KIAA1549: variants seen among roughly 807,000 people sequenced by gnomAD.
KIAA1549 encodes UPF0606 protein KIAA1549.
Under a neutral mutation model 156.4 loss-of-function variants are expected in KIAA1549, and 70 were observed. That is an observed-to-expected ratio of 0.45 (90% confidence interval 0.37 to 0.55). The LOEUF is 0.55. KIAA1549 is among the 20% of genes least tolerant of loss of function. The pLI is 0.00. For missense variants in KIAA1549, 2,428 were observed against 2,540.9 expected, an observed-to-expected ratio of 0.96 and a Z score of 0.96; for synonymous variants, 1,103 against 1,066.4, an observed-to-expected ratio of 1.03 and a Z score of -0.67.
chr7:138,951,755 T>G (rs977520825), intron 1 of KIAA1549, among the ~76,000 whole-genome samples: 2 of 152,160 alleles, frequency 1.3e-5, no homozygotes, highest in Non-Finnish European at 2.9e-5. Context: ...CCAACAGAAA[T>G]TCTATACATC....
intron 7 of KIAA1549, among the ~76,000 whole-genome samples, chr7:138,903,968 C>T (rs572118523): frequency 6.6e-6 from 1 of 152,230 alleles, no homozygotes; most frequent in South Asian, 2.1e-4. Context: ...TGGGGAGAGT[C>T]CAGGAAATGC....
chr7:138,938,819 G>A (rs765120189), intron 1 of KIAA1549, among the ~76,000 whole-genome samples: 2 of 152,062 alleles, frequency 1.3e-5, no homozygotes, highest in Admixed American at 6.6e-5. Flanking sequence ...AGGCTGAGGC[G>A]GGTGCATTAC....
intron 2 of KIAA1549, among the ~76,000 whole-genome samples, chr7:138,914,700 T>C (rs1812266899): frequency 6.6e-6 from 1 of 152,186 alleles, no homozygotes; most frequent in African/African-American, 2.4e-5. Context: ...TTATCTCCGC[T>C]AAAAGACACA....
intron 10 of KIAA1549, among the ~76,000 whole-genome samples, chr7:138,884,420 T>C (rs1486936206): frequency 6.6e-6 from 1 of 151,622 alleles, no homozygotes; most frequent in Non-Finnish European, 1.5e-5. Context: ...GGAAGGGAGG[T>C]GGGACACGCA....
chr7:138,943,205 G>A lies in KIAA1549; in HGVS notation c.188-23767C>T, dbSNP rs73168963. Among the ~76,000 whole-genome samples, 1,244 of 152,284 alleles carry A rather than the reference G, an allele frequency of 8.2e-3. 15 individuals carry two copies. The highest frequency in any genetic ancestry group is 0.012 in the Non-Finnish European group (834 of 68,028). ...GAGTGTTTGCTTTGTGCCCAGATGCGTCACGAGTCCCCCTCGAGTCCCACA... is the reference window on the plus strand; with the variant it reads ...GAGTGTTTGCTTTGTGCCCAGATGCATCACGAGTCCCCCTCGAGTCCCACA... On this transcript the variant is annotated intron_variant, in intron 1 of 19. Transcript: ENST00000422774.
At chr7:138,852,754 T>C (rs1416267587) in intron 16 of KIAA1549, among the ~76,000 whole-genome samples, 3 of 152,246 alleles carry the variant, frequency 2.0e-5, no homozygotes, top group Non-Finnish European at 4.4e-5. Flanking sequence ...AAGTATCAAA[T>C]GCTGTCTCAT....
At chr7:138,980,311 A>C (rs569380464) in intron 1 of KIAA1549, among the ~76,000 whole-genome samples, 65 of 152,376 alleles carry the variant, frequency 4.3e-4, no homozygotes, top group Non-Finnish European at 7.6e-4. Context: ...ATTTTGGAGA[A>C]GCAATAGGAA....
intron 1 of KIAA1549, among the ~76,000 whole-genome samples, chr7:138,939,191 T>C (rs1014193910): frequency 4.6e-5 from 7 of 152,176 alleles, no homozygotes; most frequent in Admixed American, 4.6e-4. Flanking sequence ...GATAAGGACT[T>C]TAAAAAATTA....
intron 1 of KIAA1549, among the ~76,000 whole-genome samples, chr7:138,919,811 T>G (rs1305637273): frequency 2.0e-5 from 3 of 152,094 alleles, no homozygotes; most frequent in African/African-American, 7.2e-5. Context: ...AATAAATCAA[T>G]TATAAGACCA....
intron 1 of KIAA1549, among the ~76,000 whole-genome samples, chr7:138,969,312 G>A (rs1368933268): frequency 6.6e-6 from 1 of 152,122 alleles, no homozygotes; most frequent in Non-Finnish European, 1.5e-5. Context: ...CCAGGCCCTT[G>A]CCATCCTTCT....
chr7:138,938,508 C>CT lies in KIAA1549; in HGVS notation c.188-19071dup, dbSNP rs1462744727. 2.6e-5 allele frequency among the ~76,000 whole-genome samples: 4 copies of CT among 152,170 alleles called. No homozygotes were observed. In the East Asian group the frequency reaches 7.7e-4, roughly 29 times the overall value. The stretch of plus-strand genomic sequence containing the variant: ...AGCAATTATCCATAGCATTAACTCT[C>CT]TAAGTGTCTATAATTATAACTTATC... On this transcript the variant is annotated intron_variant, in intron 1 of 19. Coordinates refer to ENST00000422774, the MANE Select transcript of KIAA1549 (RefSeq NM_001164665.2).
At chr7:138,949,975 C>T (rs1403362412) in intron 1 of KIAA1549, among the ~76,000 whole-genome samples, 1 of 152,190 alleles carries the variant, frequency 6.6e-6, no homozygotes, top group Non-Finnish European at 1.5e-5. Flanking sequence ...CTGAGGCCAC[C>T]TTATTTCAGA....
chr7:138,949,583 T>C (rs866214809), intron 1 of KIAA1549, among the ~76,000 whole-genome samples: 4 of 152,144 alleles, frequency 2.6e-5, no homozygotes, highest in Admixed American at 6.5e-5. Context: ...CCTGTAGGAC[T>C]CCACAAACAC....
At chr7:138,924,469 G>A (rs1006928831) in intron 1 of KIAA1549, among the ~76,000 whole-genome samples, 6 of 152,096 alleles carry the variant, frequency 3.9e-5, no homozygotes, top group African/African-American at 1.4e-4. Flanking sequence ...ACGAAGAAGA[G>A]CAACGTTTAG....
intron 1 of KIAA1549, among the ~76,000 whole-genome samples, chr7:138,959,853 A>T (rs920988389): frequency 2.0e-5 from 3 of 152,246 alleles, no homozygotes; most frequent in African/African-American, 7.2e-5. Flanking sequence ...CCCCTCTTTA[A>T]ACAGTGCTCT....
In KIAA1549 at chr7:138,861,391, G is replaced by A. The variant is rs1303867211; in HGVS notation, c.4995C>T (p.Ala1665=). The change falls in exon 16 of 20, where the codon GCC becomes GCT. Residue 1665 remains alanine, a synonymous_variant. Transcript: ENST00000422774. ...TGTACTGGGAGGCCGGGAAGGGAAG[G>A]GCTGGATACCTCCCCAGTTCCACCG... is the stretch of plus-strand genomic sequence containing the variant. ...PSSVELGRYP[A]LPFPASQYIP... is the part of the protein sequence containing the mutation. 15 of 1,612,066 alleles carry A rather than the reference G, an allele frequency of 9.3e-6. No individual in the cohort carries two copies. Among genetic ancestry groups the A allele is most frequent in the Non-Finnish European group, 1.2e-5 (14 of 1,179,396 alleles).
rs372024335 is a variant in KIAA1549, at chr7:138,909,136, A to C, written c.3146-15T>G. On this transcript the variant is annotated splice_polypyrimidine_tract_variant and intron_variant, in intron 4 of 19. Coordinates refer to ENST00000422774, the MANE Select transcript of KIAA1549 (RefSeq NM_001164665.2). The stretch of plus-strand genomic sequence containing the variant: ...AAACTGAAGTACTGAAAAGAAAAGC[A>C]ATCAAAGTCCCATAAATGAGGTGTT... 1 of 1,607,732 alleles carries C rather than the reference A, an allele frequency of 6.2e-7. No individual in the cohort carries two copies. Among genetic ancestry groups the C allele is most frequent in the South Asian group, 1.1e-5 (1 of 90,116 alleles).
chr7:138,857,344 G>A (rs942917979), intron 16 of KIAA1549, among the ~76,000 whole-genome samples: 4 of 152,144 alleles, frequency 2.6e-5, no homozygotes, highest in Admixed American at 6.5e-5. Flanking sequence ...TGGTATATTC[G>A]TAAATGGAGT....
chr7:138,957,120 G>A (rs1040234377), intron 1 of KIAA1549, among the ~76,000 whole-genome samples: 2 of 152,194 alleles, frequency 1.3e-5, no homozygotes, highest in Non-Finnish European at 2.9e-5. Context: ...CATGTGCAAA[G>A]GCACAGGGGC....
Sources: gnomAD v4.1 joint callset for allele counts (sites outside exome capture counted in the v4.1 genomes callset) on GRCh38, gnomAD v4.1.1 for gene constraint, MANE v1.5 for transcripts, NCBI Gene and HGNC (gene_info 2026-07-23, HGNC 2026-07-21) for gene names.